The following ATP8B4 variants were observed in gnomAD, a reference collection of about 807,000 sequenced individuals.
ATP8B4 encodes ATPase phospholipid transporting 8B4 (putative), also known as probable phospholipid-transporting ATPase IM.
Under a neutral mutation model 145.6 loss-of-function variants are expected in ATP8B4, and 133 were observed. That is an observed-to-expected ratio of 0.91 (90% confidence interval 0.79 to 1.05). The LOEUF (loss-of-function observed/expected upper bound fraction) is 1.05, where lower values mean the gene tolerates loss of function less well. Ranked by LOEUF, ATP8B4 falls within the 50% of genes least tolerant of loss-of-function variation. The pLI, the probability that ATP8B4 is intolerant of heterozygous loss-of-function variation, is 0.00. For missense variants in ATP8B4, 1,458 were observed against 1,425.2 expected, an observed-to-expected ratio of 1.02 and a Z score of -0.37; for synonymous variants, 507 against 492.9, an observed-to-expected ratio of 1.03 and a Z score of -0.38.
chr15:50,134,816 G>C (rs1185515015), intron 1 of ATP8B4, among the ~76,000 whole-genome samples: 1 of 152,222 alleles, frequency 6.6e-6, no homozygotes, highest in Non-Finnish European at 1.5e-5. Flanking sequence ...GGGAATGTTG[G>C]TGGCATTGAC....
At chr15:49,948,742 G>A (rs533681068) in intron 14 of ATP8B4, among the ~76,000 whole-genome samples, 2 of 152,282 alleles carry the variant, frequency 1.3e-5, no homozygotes, top group African/African-American at 4.8e-5. Flanking sequence ...CTCCCATTCT[G>A]TAGGTAGCCT....
intron 27 of ATP8B4, 114 bp downstream of exon 27, chr15:49,862,131 G>A: frequency 1.5e-6 from 2 of 1,334,524 alleles, no homozygotes; most frequent in Non-Finnish European, 1.0e-6. Context: ...ACCAGTAGGT[G>A]TTTGCTTGTG....
intron 1 of ATP8B4, among the ~76,000 whole-genome samples, chr15:50,118,068 A>G (rs1286155401): frequency 6.6e-6 from 1 of 152,196 alleles, no homozygotes; most frequent in Admixed American, 6.5e-5. Context: ...AGATAGAAGG[A>G]ACAGGTTCTA....
chr15:50,063,192 C>A (rs967061906), intron 3 of ATP8B4, among the ~76,000 whole-genome samples: 4 of 151,800 alleles, frequency 2.6e-5, no homozygotes, highest in African/African-American at 9.7e-5. Flanking sequence ...GAAATTGGAA[C>A]TAGCTAAGTA....
Position 49,999,344 on chromosome 15 carries a change from T to C in ATP8B4, c.507-2585A>G, listed in dbSNP as rs567697439. ...GTGGGAACTGAACAATGAGAACACA[T>C]GGACACAGGAAGGGGAACATCACAC... is the stretch of plus-strand genomic sequence containing the variant. On this transcript the variant is annotated intron_variant, in intron 8 of 27. Coordinates refer to ENST00000284509, the MANE Select transcript of ATP8B4 (RefSeq NM_024837.4). Among the ~76,000 whole-genome samples the C allele has an allele frequency of 1.4e-4, 17 of 124,128 alleles. 1 individual carries two copies. Among genetic ancestry groups the C allele is most frequent in the South Asian group, 5.2e-4 (2 of 3,836 alleles). 81.4% of individuals were successfully genotyped at this position (124,128 alleles called of 152,430 possible). A position where few individuals can be genotyped will look rare whatever the true frequency, so the allele number is the denominator to read the frequency against.
At chr15:50,127,316 A>G (rs1195237875) in intron 1 of ATP8B4, among the ~76,000 whole-genome samples, 1 of 152,160 alleles carries the variant, frequency 6.6e-6, no homozygotes, top group African/African-American at 2.4e-5. Context: ...AATCAATCCC[A>G]GTGTTAGTAT....
chr15:49,967,866 G>T (rs2044699162), intron 13 of ATP8B4, among the ~76,000 whole-genome samples: 1 of 152,160 alleles, frequency 6.6e-6, no homozygotes, highest in African/African-American at 2.4e-5. Flanking sequence ...GTTAAGCACA[G>T]CCAGAGAAAA....
At chr15:50,137,469 C>T (rs1469712760) in intron 1 of ATP8B4, among the ~76,000 whole-genome samples, 1 of 152,196 alleles carries the variant, frequency 6.6e-6, no homozygotes, top group African/African-American at 2.4e-5. Flanking sequence ...TCATGACTCA[C>T]AAGCGATCAA....
intron 16 of ATP8B4, among the ~76,000 whole-genome samples, chr15:49,926,974 A>C (rs2040779761): frequency 6.6e-6 from 1 of 152,148 alleles, no homozygotes; most frequent in Admixed American, 6.5e-5. Flanking sequence ...TTATCTAAAG[A>C]TCTCGTAAGA....
upstream of ATP8B4, among the ~76,000 whole-genome samples, chr15:50,120,306 A>G (rs2153677795): frequency 6.6e-6 from 1 of 152,288 alleles, no homozygotes; most frequent in East Asian, 1.9e-4. Flanking sequence ...AATAAGAGAG[A>G]TGGCTTTCTT....
chr15:50,100,590 C>G (rs1414182731), intron 2 of ATP8B4, among the ~76,000 whole-genome samples: 2 of 152,178 alleles, frequency 1.3e-5, no homozygotes, highest in African/African-American at 2.4e-5. Context: ...AAAAAGCTCT[C>G]CAGACTATTG....
At chr15:49,892,379 A>C (rs1367725780) in intron 23 of ATP8B4, among the ~76,000 whole-genome samples, 1 of 152,208 alleles carries the variant, frequency 6.6e-6, no homozygotes, top group East Asian at 1.9e-4. Context: ...GACTTTGCAG[A>C]AGTTTAAACG....
intron 3 of ATP8B4, among the ~76,000 whole-genome samples, chr15:50,062,912 T>C (rs892149390): frequency 1.3e-5 from 2 of 152,152 alleles, no homozygotes; most frequent in Non-Finnish European, 2.9e-5. Flanking sequence ...AATGGCGTTT[T>C]TGTGGTATTG....
chr15:50,047,286 AC>A (rs2051798558), intron 4 of ATP8B4, 64 bp downstream of exon 4: 2 of 1,034,108 alleles, frequency 1.9e-6, no homozygotes, highest in African/African-American at 3.2e-5. Context: ...AAATTGACTT[AC>A]TTTTTACAAT....
chr15:49,969,320 A>C (rs2044859900), intron 13 of ATP8B4, among the ~76,000 whole-genome samples: 1 of 152,198 alleles, frequency 6.6e-6, no homozygotes. Context: ...CCTTCAAAAA[A>C]TCAATGAGTC....
chr15:50,176,944 A>T (rs2044772359), intron 1 of ATP8B4, among the ~76,000 whole-genome samples: 1 of 152,166 alleles, frequency 6.6e-6, no homozygotes, highest in African/African-American at 2.4e-5. Context: ...GGTCAATCTT[A>T]TCACATACCA....
rs150777155 is a variant in ATP8B4, at chr15:49,897,291, C to A, written c.2697+1G>T. The A allele has an allele frequency of 6.2e-7, 1 of 1,602,016 alleles. No individual in the cohort carries two copies. The highest frequency in any genetic ancestry group is 8.5e-7 in the Non-Finnish European group (1 of 1,172,850). The stretch of plus-strand genomic sequence containing the variant: ...ACAAAAAAAAACATGCTTTTACCAA[C>A]CTGGGCTGAGAAACCACAGAAGAAA... On this transcript the variant is annotated splice_donor_variant, in intron 23 of 27. Transcript: ENST00000284509. LOFTEE classifies it high-confidence loss of function.
At chr15:50,174,124 G>A (rs1370524545) in intron 1 of ATP8B4, among the ~76,000 whole-genome samples, 1 of 151,976 alleles carries the variant, frequency 6.6e-6, no homozygotes, top group African/African-American at 2.4e-5. Flanking sequence ...CAGCAAAATC[G>A]GCATACAAGG....
At chr15:49,995,078 T>C (rs1247272678) in intron 9 of ATP8B4, among the ~76,000 whole-genome samples, 1 of 152,120 alleles carries the variant, frequency 6.6e-6, no homozygotes, top group Non-Finnish European at 1.5e-5. Context: ...GCCACTAAGA[T>C]TGCAGGGCTG....
Sources: allele counts gnomAD v4.1 joint callset (sites outside exome capture counted in the v4.1 genomes callset), GRCh38; gene constraint gnomAD v4.1.1; transcripts MANE v1.5; gene names NCBI Gene and HGNC (gene_info 2026-07-23, HGNC 2026-07-21).